STK32B: variants seen among roughly 807,000 people sequenced by gnomAD.
The protein encoded by STK32B is serine/threonine kinase 32B, also known as serine/threonine-protein kinase 32B.
Under a neutral mutation model 52.6 loss-of-function variants are expected in STK32B, and 43 were observed. The observed-to-expected ratio is 0.82, with a 90% confidence interval of 0.64 to 1.05. STK32B has a LOEUF of 1.05. Among genes scored for constraint, STK32B ranks in the 50% least tolerant of loss-of-function variants. The pLI, the probability that STK32B is intolerant of heterozygous loss-of-function variation, is 0.00. For synonymous variants in STK32B, 238 were observed against 204.3 expected, an observed-to-expected ratio of 1.17 and a Z score of -1.41; for missense variants, 621 against 534.6, an observed-to-expected ratio of 1.16 and a Z score of -1.59.
intron 4 of STK32B, among the ~76,000 whole-genome samples, chr4:5,357,030 C>CACACACACACATATAT (rs1251501091): frequency 3.3e-5 from 5 of 149,304 alleles, no homozygotes; most frequent in Non-Finnish European, 5.9e-5. Flanking sequence ...TATACACACA[C>CACACACACACATATAT]ACACACACAC....
At chr4:5,157,405 C>T (rs67749484) in intron 2 of STK32B, among the ~76,000 whole-genome samples, 35,743 of 151,726 alleles carry the variant, frequency 0.24, 4,467 homozygotes, top group East Asian at 0.46. Flanking sequence ...TGATGATTTC[C>T]ATTGATGATA....
chr4:5,128,197 T>G (rs1410180960), intron 1 of STK32B, among the ~76,000 whole-genome samples: 1 of 152,226 alleles, frequency 6.6e-6, no homozygotes, highest in Admixed American at 6.5e-5. Flanking sequence ...CCCTTTGGAC[T>G]TCTGGCCTCC....
intron 1 of STK32B, among the ~76,000 whole-genome samples, chr4:5,072,699 T>C (rs995522752): frequency 6.6e-6 from 1 of 152,194 alleles, no homozygotes; most frequent in Non-Finnish European, 1.5e-5. Context: ...TTGAAAGGAA[T>C]ATATATCCTT....
chr4:5,343,193 T>C (rs1733208348), intron 4 of STK32B, among the ~76,000 whole-genome samples: 1 of 147,878 alleles, frequency 6.8e-6, no homozygotes, highest in Admixed American at 6.9e-5. Context: ...AGTGAGAACA[T>C]GTGGTGTTTG....
In STK32B at chr4:5,411,715, T is replaced by G. The variant is rs76226303; in HGVS notation, c.473-5130T>G. 7.3e-3 allele frequency among the ~76,000 whole-genome samples: 1,118 copies of G among 152,322 alleles called. 7 individuals carry two copies. Among genetic ancestry groups the G allele is most frequent in the African/African-American group, 0.025 (1,036 of 41,574 alleles). On this transcript the variant is annotated intron_variant, in intron 5 of 11. Transcript: ENST00000282908. ...ACTTATTTGATTAAGTTTCAACATA[T>G]GAATTTTGACAAATACATTTGAACC...
intron 6 of STK32B, among the ~76,000 whole-genome samples, chr4:5,441,963 G>C (rs1238932414): frequency 7.8e-6 from 1 of 127,570 alleles, no homozygotes; most frequent in Non-Finnish European, 1.6e-5. Context: ...ACTGTGGTCT[G>C]AGAGATAGTT....
chr4:5,427,028 A>G (rs954865629), intron 6 of STK32B: 3 of 152,218 alleles, frequency 2.0e-5, no homozygotes, highest in African/African-American at 4.8e-5. Flanking sequence ...TATGATGTCA[A>G]CTATAAGGTT....
chr4:5,325,644 A>T (rs949796391), intron 3 of STK32B, among the ~76,000 whole-genome samples: 31 of 152,204 alleles, frequency 2.0e-4, no homozygotes, highest in African/African-American at 7.5e-4. Flanking sequence ...CGCATTCTTT[A>T]TGCAGTTCTA....
chr4:5,434,454 G>GTGTA (rs1412605937), intron 6 of STK32B, among the ~76,000 whole-genome samples: 2,607 of 131,204 alleles, frequency 0.02, 90 homozygotes, highest in African/African-American at 0.068. Context: ...GTGTGTGTGT[G>GTGTA]TATATATATA....
chr4:5,205,579 C>A (rs1196326397), intron 3 of STK32B, among the ~76,000 whole-genome samples: 1 of 152,178 alleles, frequency 6.6e-6, no homozygotes, highest in Non-Finnish European at 1.5e-5. Context: ...CTGGCTGTGG[C>A]AGATACGGTT....
At chr4:5,111,202 A>G (rs1005295309) in intron 1 of STK32B, among the ~76,000 whole-genome samples, 7 of 152,178 alleles carry the variant, frequency 4.6e-5, no homozygotes, top group African/African-American at 1.7e-4. Context: ...GAAACAGTAT[A>G]AAGATTTCTC....
At chr4:5,423,803 T>C (rs988817459) in intron 6 of STK32B, among the ~76,000 whole-genome samples, 2 of 152,062 alleles carry the variant, frequency 1.3e-5, no homozygotes, top group Non-Finnish European at 2.9e-5. Context: ...GTGGTGGTGA[T>C]GGAAGCAGAG....
intron 6 of STK32B, among the ~76,000 whole-genome samples, chr4:5,425,789 C>T (rs1015926849): frequency 6.6e-6 from 1 of 152,166 alleles, no homozygotes; most frequent in African/African-American, 2.4e-5. Flanking sequence ...CACAAAAGTT[C>T]CTCATTCCCA....
chr4:5,064,062 T>G (rs1438280138), intron 1 of STK32B, among the ~76,000 whole-genome samples: 1 of 151,978 alleles, frequency 6.6e-6, no homozygotes, highest in Non-Finnish European at 1.5e-5. Context: ...TTGTCAGTTA[T>G]GTGCTGCAAA....
At chr4:5,204,894 A>G (rs1311522459) in intron 3 of STK32B, among the ~76,000 whole-genome samples, 1 of 152,158 alleles carries the variant, frequency 6.6e-6, no homozygotes, top group African/African-American at 2.4e-5. Context: ...TTTTCTATCA[A>G]CTTGACTGGT....
intron 1 of STK32B, among the ~76,000 whole-genome samples, chr4:5,055,087 A>C (rs1442604377): frequency 1.4e-5 from 2 of 138,430 alleles, no homozygotes; most frequent in Non-Finnish European, 3.1e-5. Context: ...AGCAACATTA[A>C]GTGCTTTTTT....
intron 1 of STK32B, among the ~76,000 whole-genome samples, chr4:5,092,491 C>T (rs537832623): frequency 1.3e-5 from 2 of 150,718 alleles, no homozygotes; most frequent in South Asian, 2.1e-4. Context: ...TCTGAGATTG[C>T]GCCACTGCAC....
chr4:5,307,703 G>T (rs1483820502), intron 3 of STK32B, among the ~76,000 whole-genome samples: 1 of 151,958 alleles, frequency 6.6e-6, no homozygotes, highest in East Asian at 1.9e-4. Context: ...ACCTTGTTTT[G>T]TCATATTACC....
chr4:5,444,953 A>G (rs764258211), intron 6 of STK32B, among the ~76,000 whole-genome samples: 1 of 152,210 alleles, frequency 6.6e-6, no homozygotes, highest in South Asian at 2.1e-4. Flanking sequence ...CAAGTGCACC[A>G]TTCCACTATG....
Sources: allele counts gnomAD v4.1 joint callset (sites outside exome capture counted in the v4.1 genomes callset), GRCh38; gene constraint gnomAD v4.1.1; transcripts MANE v1.5; gene names NCBI Gene and HGNC (gene_info 2026-07-23, HGNC 2026-07-21).